The following TANC2 variants were observed in gnomAD, a reference collection of about 807,000 sequenced individuals.
TANC2 encodes protein TANC2.
Under a neutral mutation model 210.5 loss-of-function variants are expected in TANC2, and 26 were observed. That is an observed-to-expected ratio of 0.12 (90% CI 0.09 to 0.17). TANC2 has a LOEUF of 0.17. Ranked by LOEUF, TANC2 falls within the 10% of genes least tolerant of loss-of-function variation. TANC2 has a pLI of 1.00. For synonymous variants in TANC2, 931 were observed against 967.1 expected (o/e 0.96, Z 0.69); for missense variants, 2,129 against 2,608.9 (o/e 0.82, Z 4.01).
chr17:63,226,180 A>G (rs902066767), intron 7 of TANC2, among the ~76,000 whole-genome samples: 1 of 152,218 alleles, frequency 6.6e-6, no homozygotes, highest in Non-Finnish European at 1.5e-5. Context: ...ATGCATTTAG[A>G]AATATTATGG....
At chr17:63,334,250 A>G (rs2045951878) in intron 11 of TANC2, 1 of 152,210 alleles carries the variant, frequency 6.6e-6, no homozygotes, top group South Asian at 2.1e-4. Flanking sequence ...TCCCAGAGGC[A>G]GGGAAAATAC....
chr17:63,169,681 G>T (rs989830433), intron 5 of TANC2, among the ~76,000 whole-genome samples: 8 of 152,032 alleles, frequency 5.3e-5, no homozygotes, highest in Non-Finnish European at 7.4e-5. Flanking sequence ...GGGTGTGGTG[G>T]CACACCCCTG....
intron 7 of TANC2, among the ~76,000 whole-genome samples, chr17:63,234,572 C>T (rs1236622503): frequency 1.3e-5 from 2 of 152,054 alleles, no homozygotes; most frequent in African/African-American, 4.8e-5. Flanking sequence ...GGGCTTTAGC[C>T]TCTGTGCTTT....
At chr17:63,154,626 T>C (rs1391027043) in intron 5 of TANC2, 2 of 152,138 alleles carry the variant, frequency 1.3e-5, no homozygotes, top group Non-Finnish European at 2.9e-5. Flanking sequence ...GTTTAATATA[T>C]ATAAAGCACT....
At chr17:63,008,557 T>A (rs185220665) in intron 1 of TANC2, among the ~76,000 whole-genome samples, 131 of 152,296 alleles carry the variant, frequency 8.6e-4, no homozygotes, top group African/African-American at 3.1e-3. Flanking sequence ...TGGGACTTTC[T>A]TTTTGAACAA....
At chr17:63,250,165 T>A (rs531614027) in intron 8 of TANC2, among the ~76,000 whole-genome samples, 1 of 152,272 alleles carries the variant, frequency 6.6e-6, no homozygotes, top group East Asian at 1.9e-4. Flanking sequence ...TTTTTAAAGC[T>A]TTTTCTCTTT....
intron 3 of TANC2, among the ~76,000 whole-genome samples, chr17:63,079,863 A>C (rs919520093): frequency 6.6e-6 from 1 of 152,156 alleles, no homozygotes; most frequent in Admixed American, 6.5e-5. Context: ...AAACATGCTC[A>C]TACTCACTGT....
intron 5 of TANC2, among the ~76,000 whole-genome samples, chr17:63,156,446 T>C (rs1295109721): frequency 6.6e-6 from 1 of 150,796 alleles, no homozygotes; most frequent in African/African-American, 2.4e-5. Context: ...CTGTTAATTA[T>C]TAGAACAACA....
chr17:62,985,532 C>T (rs559262143), intron 1 of TANC2, among the ~76,000 whole-genome samples: 160 of 152,126 alleles, frequency 1.1e-3, no homozygotes, highest in Non-Finnish European at 1.7e-3. Flanking sequence ...AAAGGTGTAC[C>T]ATAAATCCTA....
intron 8 of TANC2, among the ~76,000 whole-genome samples, chr17:63,255,912 T>C (rs1345988265): frequency 3.5e-5 from 5 of 144,886 alleles, no homozygotes; most frequent in Admixed American, 1.4e-4. Flanking sequence ...TCTTTTTTTT[T>C]TTTTTTTTTT....
chr17:62,998,121 T>C (rs1420194147), intron 1 of TANC2, among the ~76,000 whole-genome samples: 1 of 152,134 alleles, frequency 6.6e-6, no homozygotes, highest in Non-Finnish European at 1.5e-5. Flanking sequence ...AATTTCATAA[T>C]ACAATTGCAA....
At chr17:63,262,057 A>G (rs920575413) in intron 8 of TANC2, among the ~76,000 whole-genome samples, 1 of 152,238 alleles carries the variant, frequency 6.6e-6, no homozygotes, top group African/African-American at 2.4e-5. Flanking sequence ...TTGTATTTAT[A>G]AAATAAGGGA....
At chr17:63,361,308 C>T (rs1262122294) in intron 14 of TANC2, among the ~76,000 whole-genome samples, 2 of 152,204 alleles carry the variant, frequency 1.3e-5, no homozygotes, top group Non-Finnish European at 2.9e-5. Context: ...GCTCAGCAGG[C>T]TGCACTCAGC....
intron 3 of TANC2, among the ~76,000 whole-genome samples, chr17:63,091,532 A>G (rs2037193915): frequency 6.6e-6 from 1 of 151,976 alleles, no homozygotes; most frequent in Admixed American, 6.6e-5. Context: ...GATGTGTGGT[A>G]TTATTTCTGA....
intron 8 of TANC2, among the ~76,000 whole-genome samples, chr17:63,252,328 G>A (rs1231257921): frequency 1.3e-5 from 2 of 151,740 alleles, no homozygotes; most frequent in Non-Finnish European, 1.5e-5. Flanking sequence ...AGAGTAAATG[G>A]CATAACCATC....
At chr17:63,139,941 T>G (rs541661080) in intron 4 of TANC2, among the ~76,000 whole-genome samples, 6 of 152,268 alleles carry the variant, frequency 3.9e-5, no homozygotes, top group East Asian at 1.9e-4. Context: ...CTGCACTGTT[T>G]CTTAATTTCA....
intron 5 of TANC2, among the ~76,000 whole-genome samples, chr17:63,191,467 T>C (rs932093906): frequency 6.6e-6 from 1 of 151,406 alleles, no homozygotes; most frequent in East Asian, 2.0e-4. Context: ...TAAAAAAATA[T>C]ATTATTTATT....
intron 7 of TANC2, among the ~76,000 whole-genome samples, chr17:63,226,404 C>T (rs943379821): frequency 2.0e-5 from 3 of 152,158 alleles, no homozygotes; most frequent in African/African-American, 7.2e-5. Flanking sequence ...CTAGTCTGAT[C>T]TGGACTCTGT....
intron 4 of TANC2, among the ~76,000 whole-genome samples, chr17:63,113,871 T>C (rs2038149160): frequency 6.6e-6 from 1 of 152,228 alleles, no homozygotes; most frequent in Admixed American, 6.5e-5. Context: ...TTTGTTTAGA[T>C]AGCACAATGA....
Sources: allele counts gnomAD v4.1 joint callset (sites outside exome capture counted in the v4.1 genomes callset), GRCh38; gene constraint gnomAD v4.1.1; transcripts MANE v1.5; gene names NCBI Gene and HGNC (gene_info 2026-07-23, HGNC 2026-07-21).